The following FMN1 variants were observed in gnomAD, a reference collection of about 807,000 sequenced individuals.
The protein encoded by FMN1 is formin 1.
In FMN1, 110 loss-of-function variants were observed where a neutral mutation model predicts 132.4. The observed-to-expected ratio is 0.83, with a 90% CI of 0.71 to 0.97. FMN1 has a LOEUF of 0.97. FMN1 is among the 50% of genes least tolerant of loss of function. The probability of loss-of-function intolerance (pLI) is 0.00; values close to 1 mark genes in which losing one functional copy is unlikely to be tolerated. For missense variants in FMN1, 1,792 were observed against 1,705.3 expected (o/e 1.05, Z -0.90); for synonymous variants, 722 against 651.7 (o/e 1.11, Z -1.64).
chr15:33,056,247 A>G (rs1410694288), intron 6 of FMN1, among the ~76,000 whole-genome samples: 1 of 152,230 alleles, frequency 6.6e-6, no homozygotes, highest in Non-Finnish European at 1.5e-5. Context: ...GGCATGTCCA[A>G]GGGTGTTCAG....
At chr15:33,028,300 A>G (rs1216291219) in intron 6 of FMN1, among the ~76,000 whole-genome samples, 3 of 152,186 alleles carry the variant, frequency 2.0e-5, no homozygotes, top group Non-Finnish European at 4.4e-5. Flanking sequence ...TGACACGTGT[A>G]TATAGATTAT....
chr15:33,009,177 C>T (rs1018883449), intron 6 of FMN1, among the ~76,000 whole-genome samples: 3 of 152,128 alleles, frequency 2.0e-5, no homozygotes, highest in African/African-American at 7.2e-5. Flanking sequence ...CAAATCATAC[C>T]TCGAATGGTC....
chr15:32,973,279 A>G (rs1029472797), intron 7 of FMN1, among the ~76,000 whole-genome samples: 3 of 152,102 alleles, frequency 2.0e-5, no homozygotes, highest in African/African-American at 7.2e-5. Context: ...TCCCTTCCCC[A>G]GATATGCCCT....
intron 6 of FMN1, among the ~76,000 whole-genome samples, chr15:33,052,608 C>T (rs1414370091): frequency 6.6e-6 from 1 of 152,182 alleles, no homozygotes; most frequent in Non-Finnish European, 1.5e-5. Context: ...GGTTTACAGG[C>T]TCAGCCCCAC....
chr15:32,912,775 G>A (rs1465334066), intron 10 of FMN1, among the ~76,000 whole-genome samples: 1 of 151,898 alleles, frequency 6.6e-6, no homozygotes, highest in East Asian at 1.9e-4. Context: ...CATGGACAGA[G>A]CAAAATTTAC....
At chr15:33,039,454 G>A (rs1321550393) in intron 6 of FMN1, among the ~76,000 whole-genome samples, 3 of 152,136 alleles carry the variant, frequency 2.0e-5, no homozygotes, top group South Asian at 4.1e-4. Context: ...GGTTATTGAG[G>A]AAACTTATTT....
intron 5 of FMN1, among the ~76,000 whole-genome samples, chr15:33,078,600 A>T (rs554156223): frequency 2.6e-5 from 4 of 152,202 alleles, no homozygotes; most frequent in African/African-American, 9.6e-5. Flanking sequence ...TGATACTAAT[A>T]AATTGGAATT....
intron 6 of FMN1, among the ~76,000 whole-genome samples, chr15:33,061,495 TTGAATAGTTTTATAAGA>T (rs1566878577): frequency 4.1e-4 from 62 of 152,052 alleles, no homozygotes; most frequent in African/African-American, 1.4e-3. Context: ...TCAAGAAACT[TTGAATAGTTTTATAAGA>T]CACGCTCCTC....
intron 6 of FMN1, among the ~76,000 whole-genome samples, chr15:33,019,774 G>A (rs1372130804): frequency 1.3e-5 from 2 of 152,188 alleles, no homozygotes; most frequent in African/African-American, 4.8e-5. Context: ...TCGGAGTGCG[G>A]GGCCCGCCAA....
intron 7 of FMN1, among the ~76,000 whole-genome samples, chr15:32,999,938 T>C (rs895917601): frequency 2.0e-5 from 3 of 152,158 alleles, no homozygotes; most frequent in Non-Finnish European, 4.4e-5. Context: ...GGCTTCCCTT[T>C]TGTCATAAAG....
At chr15:33,033,895 A>C (rs1337609064) in intron 6 of FMN1, among the ~76,000 whole-genome samples, 4 of 152,028 alleles carry the variant, frequency 2.6e-5, no homozygotes, top group Non-Finnish European at 5.9e-5. Context: ...TCTCTGATAC[A>C]CTTTCCTCAC....
intron 19 of FMN1, among the ~76,000 whole-genome samples, 192 bp downstream of exon 19, chr15:32,798,612 A>C (rs751839184): frequency 6.6e-6 from 1 of 152,194 alleles, no homozygotes; most frequent in African/African-American, 2.4e-5. Context: ...TCATGTGAGC[A>C]TATCTGCCTG....
intron 6 of FMN1, among the ~76,000 whole-genome samples, chr15:33,060,803 A>G (rs1188384262): frequency 6.6e-6 from 1 of 152,238 alleles, no homozygotes. Context: ...GTTTTTCTTC[A>G]AACTTTTTTC....
chr15:33,105,192 T>C (rs368150156), intron 4 of FMN1, among the ~76,000 whole-genome samples: 4 of 152,100 alleles, frequency 2.6e-5, no homozygotes, highest in African/African-American at 7.2e-5. Context: ...CTCTGGATGT[T>C]TCATTACTAA....
At chr15:32,776,297 A>T (rs1211994949) in intron 20 of FMN1, among the ~76,000 whole-genome samples, 1 of 152,212 alleles carries the variant, frequency 6.6e-6, no homozygotes, top group Non-Finnish European at 1.5e-5. Flanking sequence ...TTTGGAGGAC[A>T]ACGCAATCTC....
chr15:32,962,484 T>A (rs2030685664), intron 9 of FMN1, among the ~76,000 whole-genome samples: 1 of 151,402 alleles, frequency 6.6e-6, no homozygotes, highest in African/African-American at 2.4e-5. Context: ...AAGACAAAAT[T>A]GACAAATGGG....
intron 7 of FMN1, among the ~76,000 whole-genome samples, chr15:33,007,339 C>T (rs2034474226): frequency 6.6e-6 from 1 of 152,148 alleles, no homozygotes; most frequent in Non-Finnish European, 1.5e-5. Flanking sequence ...CTGCAGCCAT[C>T]AGTAAACAAG....
intron 9 of FMN1, among the ~76,000 whole-genome samples, chr15:32,951,144 T>C (rs939332857): frequency 1.3e-4 from 20 of 152,158 alleles, no homozygotes; most frequent in Admixed American, 1.1e-3. Context: ...ATTACCAAAA[T>C]CGGTCATTCT....
At chr15:32,844,371 T>C (rs879849872) in intron 17 of FMN1, among the ~76,000 whole-genome samples, 17 of 152,184 alleles carry the variant, frequency 1.1e-4, no homozygotes, top group Non-Finnish European at 2.4e-4. Flanking sequence ...TGAAGTGTGA[T>C]CTATCAGACC....
Sources: allele counts gnomAD v4.1 joint callset (sites outside exome capture counted in the v4.1 genomes callset), GRCh38; gene constraint gnomAD v4.1.1; transcripts MANE v1.5; gene names NCBI Gene and HGNC (gene_info 2026-07-23, HGNC 2026-07-21).